The following TAF2 variants were observed in gnomAD, a reference collection of about 807,000 sequenced individuals.
TAF2 encodes TATA-box binding protein associated factor 2, also known as transcription initiation factor TFIID subunit 2.
TAF2 carries 61 observed loss-of-function variants against 138.5 expected under a neutral mutation model. That is an observed-to-expected ratio of 0.44 (90% CI 0.36 to 0.54). The LOEUF (loss-of-function observed/expected upper bound fraction) is 0.54. TAF2 is among the 20% of genes least tolerant of loss of function. The pLI, the probability that TAF2 is intolerant of heterozygous loss-of-function variation, is 0.00. For missense variants in TAF2, 1,090 were observed against 1,427.9 expected, an observed-to-expected ratio of 0.76 and a Z score of 3.81; for synonymous variants, 475 against 469.9, an observed-to-expected ratio of 1.01 and a Z score of -0.14.
chr8:119,780,435 G>T (rs567063584), intron 17 of TAF2, among the ~76,000 whole-genome samples: 1 of 152,180 alleles, frequency 6.6e-6, no homozygotes, highest in South Asian at 2.1e-4. Flanking sequence ...AGAGCTCTAT[G>T]CTGTGCTGTC....
chr8:119,747,286 C>T (rs1820044438), intron 22 of TAF2, among the ~76,000 whole-genome samples: 1 of 152,166 alleles, frequency 6.6e-6, no homozygotes, highest in Admixed American at 6.5e-5. Context: ...CTAGAACTTA[C>T]TACTTTCAGG....
chr8:119,757,724 C>G (rs951136034), intron 21 of TAF2, among the ~76,000 whole-genome samples: 1 of 151,826 alleles, frequency 6.6e-6, no homozygotes, highest in African/African-American at 2.4e-5. Context: ...GGCAAAACTC[C>G]GTCTCTACTA....
rs1563893348 is a variant in TAF2 at position 119,797,043 on chromosome 8, TAAA to T, written c.1035_1037del (p.Cys345_Leu346delinsTer). 6.2e-7 allele frequency: 1 copy of T among 1,613,398 alleles called. No individual in the cohort carries two copies. On this transcript the variant is annotated stop_gained and inframe_deletion, in exon 8 of 26. Coordinates refer to ENST00000378164, the MANE Select transcript of TAF2 (RefSeq NM_003184.4). LOFTEE classifies it high-confidence loss of function. Reference sequence around the variant, plus strand: ...AAAACTGCTGGGCCAAGGATTGGGCTAAACACCTTCTAGTCAAAGGTGTCTCAT... The same window carrying T: ...AAAACTGCTGGGCCAAGGATTGGGCTCACCTTCTAGTCAAAGGTGTCTCAT...
intron 19 of TAF2, 43 bp downstream of exon 19, chr8:119,762,372 G>C (rs1340038005): frequency 1.9e-6 from 3 of 1,576,698 alleles, no homozygotes; most frequent in Middle Eastern, 4.1e-4. Context: ...TTCTTTTACA[G>C]TTATAAGAAC....
chr8:119,755,915 T>C, intron 22 of TAF2, 91 bp downstream of exon 22: 2 of 1,043,508 alleles, frequency 1.9e-6, no homozygotes, highest in Non-Finnish European at 2.9e-6. Flanking sequence ...AACTTTTACC[T>C]TTAGTTCTAA....
At chr8:119,733,093 G>A (rs1176203552) in intron 25 of TAF2, among the ~76,000 whole-genome samples, 2 of 152,042 alleles carry the variant, frequency 1.3e-5, no homozygotes, top group South Asian at 2.1e-4. Flanking sequence ...ATGGATTTTC[G>A]TATACCAGGG....
intron 9 of TAF2, among the ~76,000 whole-genome samples, chr8:119,794,148 A>G (rs1267653699): frequency 3.3e-5 from 5 of 152,178 alleles, no homozygotes; most frequent in Non-Finnish European, 7.3e-5. Context: ...CTGTAATCCC[A>G]GCACTTTGGG....
At chr8:119,795,300 G>C (rs975947354) in intron 9 of TAF2, among the ~76,000 whole-genome samples, 2 of 152,062 alleles carry the variant, frequency 1.3e-5, no homozygotes. Flanking sequence ...CGACCAATCT[G>C]ATGTTTAAGA....
intron 25 of TAF2, among the ~76,000 whole-genome samples, chr8:119,733,341 T>C (rs1469019061): frequency 6.6e-6 from 1 of 152,014 alleles, no homozygotes; most frequent in African/African-American, 2.4e-5. Context: ...GGGGAGTCTA[T>C]AAAGGGAACA....
chr8:119,745,795 ATGTGTGTGTGTGTGTGTG>A lies in TAF2; in HGVS notation c.3108+892_3108+909del, dbSNP rs58444614. On this transcript the variant is annotated intron_variant, in intron 23 of 25. Coordinates refer to ENST00000378164, the MANE Select transcript of TAF2 (RefSeq NM_003184.4). Reference sequence around the variant, plus strand: ...TAAAAGCTTCTCTAAAGGCAAACGAATGTGTGTGTGTGTGTGTGTGTGTGTGTGTGTGTGTGTGTGTGT... The same window carrying A: ...TAAAAGCTTCTCTAAAGGCAAACGAATGTGTGTGTGTGTGTGTGTGTGTGT... Among the ~76,000 whole-genome samples the A allele has an allele frequency of 7.5e-3, 1,077 of 143,564 alleles. 7 individuals carry two copies. The highest frequency in any genetic ancestry group is 0.04 in the South Asian group (173 of 4,360). The allele number at this position is 143,564 out of a possible 152,430, so 94.2% of individuals were successfully genotyped here.
chr8:119,732,386 A>G (rs181656777), intron 25 of TAF2, among the ~76,000 whole-genome samples, 200 bp from the exon 26 acceptor site: 25 of 152,324 alleles, frequency 1.6e-4, no homozygotes, highest in Non-Finnish European at 2.9e-4. Flanking sequence ...GAAGTTGAAT[A>G]TATAGTTCCT....
At chr8:119,805,079 C>G (rs1464616119) in intron 4 of TAF2, among the ~76,000 whole-genome samples, 5 of 152,164 alleles carry the variant, frequency 3.3e-5, no homozygotes, top group Non-Finnish European at 7.3e-5. Flanking sequence ...AAAACAAGGA[C>G]TCTTTTACTT....
intron 11 of TAF2, 151 bp downstream of exon 11, chr8:119,791,173 G>T: frequency 1.3e-6 from 1 of 791,472 alleles, no homozygotes; most frequent in Non-Finnish European, 1.9e-6. Context: ...TTCTACATCT[G>T]AGGAAATGCA....
chr8:119,778,060 TA>T lies in TAF2; in HGVS notation c.2322del (p.Phe774LeufsTer3). On this transcript the variant is annotated frameshift_variant, in exon 18 of 26. Transcript: ENST00000378164. LOFTEE classifies it high-confidence loss of function. ...TCATTGTACTTGATTAAGTCTAAAATAAATGTTAAGACTTCTTTAGGACAAA... is the reference window on the plus strand; with the variant it reads ...TCATTGTACTTGATTAAGTCTAAAATAATGTTAAGACTTCTTTAGGACAAA... ...HNLCPKEVLT[F>X]ILDLIKYNDN... 1 of 1,585,986 alleles carries T rather than the reference TA, an allele frequency of 6.3e-7. No individual in the cohort carries two copies. Among genetic ancestry groups the T allele is most frequent in the Non-Finnish European group, 8.6e-7 (1 of 1,157,508 alleles).
chr8:119,741,265 T>A (rs1033627453), intron 25 of TAF2, among the ~76,000 whole-genome samples: 4 of 152,182 alleles, frequency 2.6e-5, no homozygotes, highest in Admixed American at 1.3e-4. Flanking sequence ...TTTGGAACAG[T>A]AATTGATTAG....
At chr8:119,784,317 G>C (rs1484674345) in intron 15 of TAF2, among the ~76,000 whole-genome samples, 2 of 152,182 alleles carry the variant, frequency 1.3e-5, no homozygotes, top group East Asian at 1.9e-4. Context: ...CACTTTCGGA[G>C]GTTGAGGCGG....
chr8:119,733,991 A>T (rs1234922004), intron 25 of TAF2, among the ~76,000 whole-genome samples: 2 of 152,148 alleles, frequency 1.3e-5, no homozygotes, highest in Non-Finnish European at 2.9e-5. Context: ...TTTTGCCCCC[A>T]AAGGGTTACT....
At chr8:119,743,908 G>T (rs889036229) in intron 24 of TAF2, among the ~76,000 whole-genome samples, 1 of 152,064 alleles carries the variant, frequency 6.6e-6, no homozygotes, top group Admixed American at 6.6e-5. Flanking sequence ...AATATTATAT[G>T]AGATAGGCAG....
At chr8:119,787,358 TAATAA>T (rs1823089205) in intron 14 of TAF2, among the ~76,000 whole-genome samples, 1 of 149,764 alleles carries the variant, frequency 6.7e-6, no homozygotes, top group Non-Finnish European at 1.5e-5. Context: ...AGTATAATAA[TAATAA>T]AATAAAAAAC....
Sources: allele counts gnomAD v4.1 joint callset (sites outside exome capture counted in the v4.1 genomes callset), GRCh38; gene constraint gnomAD v4.1.1; transcripts MANE v1.5; gene names NCBI Gene and HGNC (gene_info 2026-07-23, HGNC 2026-07-21).